Variants in N4BP2L1 observed in about 807,000 individuals in gnomAD.
The protein encoded by N4BP2L1 is NEDD4 binding protein 2 like 1, also known as NEDD4-binding protein 2-like 1.
In N4BP2L1, 12 loss-of-function variants were observed where a neutral mutation model predicts 21.2. The observed-to-expected ratio is 0.57, with a 90% CI of 0.36 to 0.92. N4BP2L1 has a LOEUF of 0.92. Among genes scored for constraint, N4BP2L1 ranks in the 40% least tolerant of loss-of-function variants. N4BP2L1 has a pLI of 0.01. For synonymous variants in N4BP2L1, 104 were observed against 112.8 expected, an observed-to-expected ratio of 0.92 and a Z score of 0.49; for missense variants, 259 against 310.6, an observed-to-expected ratio of 0.83 and a Z score of 1.25.
chr13:32,402,566 G>T lies in N4BP2L1; in HGVS notation c.*376C>A, dbSNP rs748547310. 11 of 992,062 alleles carry T rather than the reference G, an allele frequency of 1.1e-5. No individual in the cohort carries two copies. Among genetic ancestry groups the T allele is most frequent in the Non-Finnish European group, 1.3e-5 (11 of 834,782 alleles). The allele number at this position is 992,062 out of a possible 1,614,324, so 61.5% of individuals were successfully genotyped here. On this transcript the variant is annotated 3_prime_UTR_variant, in exon 5 of 5. Coordinates refer to ENST00000380130, the MANE Select transcript of N4BP2L1 (RefSeq NM_052818.3). Reference sequence around the variant, plus strand: ...CCTTCCCAACTTTACCGATGGAGATGAATTTCCTGAAAAAATAAATAGATC... The same window carrying T: ...CCTTCCCAACTTTACCGATGGAGATTAATTTCCTGAAAAAATAAATAGATC...
intron 4 of N4BP2L1, chr13:32,403,624 T>C (rs1291111062): frequency 2.0e-6 from 1 of 507,896 alleles, no homozygotes; most frequent in Non-Finnish European, 4.0e-6. Context: ...GGCAGAAGAA[T>C]CAACTGGGGA....
chr13:32,405,713 A>G (rs1036875405), intron 3 of N4BP2L1, among the ~76,000 whole-genome samples: 9 of 152,112 alleles, frequency 5.9e-5, no homozygotes, highest in Non-Finnish European at 8.8e-5. Context: ...CAATCTGGGC[A>G]TAAGTGGAAC....
At chr13:32,403,679 G>C (rs779853666) in intron 4 of N4BP2L1, 1 of 535,496 alleles carries the variant, frequency 1.9e-6, no homozygotes. Context: ...TACTGAATGG[G>C]GTCCATGAAC....
intron 1 of N4BP2L1, among the ~76,000 whole-genome samples, chr13:32,427,300 G>A (rs1440675027): frequency 6.6e-6 from 1 of 152,216 alleles, no homozygotes; most frequent in Non-Finnish European, 1.5e-5. Flanking sequence ...GACTTCGCCA[G>A]ATTTTCAAAG....
At chr13:32,409,479 AAT>A (rs1396808300) in intron 1 of N4BP2L1, among the ~76,000 whole-genome samples, 1 of 152,216 alleles carries the variant, frequency 6.6e-6, no homozygotes, top group African/African-American at 2.4e-5. Flanking sequence ...ATACCGAAAG[AAT>A]ATTAGTTAAT....
intron 3 of N4BP2L1, among the ~76,000 whole-genome samples, chr13:32,404,852 C>T (rs1403298787): frequency 6.6e-6 from 1 of 151,966 alleles, no homozygotes; most frequent in Non-Finnish European, 1.5e-5. Flanking sequence ...TCACATACTT[C>T]ACATCATCTT....
At chr13:32,427,305 T>C (rs1430618925) in intron 1 of N4BP2L1, among the ~76,000 whole-genome samples, 1 of 152,138 alleles carries the variant, frequency 6.6e-6, no homozygotes, top group Non-Finnish European at 1.5e-5. Flanking sequence ...CGCCAGATTT[T>C]CAAAGCGGGC....
chr13:32,416,247 G>A (rs1002547657), intron 1 of N4BP2L1, among the ~76,000 whole-genome samples: 12 of 152,094 alleles, frequency 7.9e-5, no homozygotes, highest in East Asian at 1.9e-4. Context: ...CATTTTTTAC[G>A]TAATGCTCAA....
At chr13:32,407,490 G>T in intron 2 of N4BP2L1, 152 bp from the exon 3 acceptor site, 1 of 1,576,512 alleles carries the variant, frequency 6.3e-7, no homozygotes, top group African/African-American at 1.4e-5. Context: ...TTCTTTCTCT[G>T]GAATCTAAGG....
At chr13:32,407,503 G>C (rs2073593396) in intron 2 of N4BP2L1, 142 bp downstream of exon 2, 1 of 1,583,246 alleles carries the variant, frequency 6.3e-7, no homozygotes. Context: ...ATCTAAGGAG[G>C]TTATGCTCTG....
At chr13:32,419,239 CTTTTTTTT>C (rs34280009) in intron 1 of N4BP2L1, among the ~76,000 whole-genome samples, 2 of 61,304 alleles carry the variant, frequency 3.3e-5, no homozygotes, top group African/African-American at 1.5e-4. Context: ...CAAGATCTGG[CTTTTTTTT>C]TTTTTTTTTT....
At chr13:32,416,833 T>A (rs941941296) in intron 1 of N4BP2L1, 6 of 151,010 alleles carry the variant, frequency 4.0e-5, no homozygotes, top group African/African-American at 1.5e-4. Context: ...CCCACCCCCC[T>A]CCAGACGGAG....
At chr13:32,406,942 G>A (rs972775736) in intron 3 of N4BP2L1, 1 of 373,236 alleles carries the variant, frequency 2.7e-6, no homozygotes, top group Admixed American at 4.0e-5. Context: ...CATTTCGGTG[G>A]GTGCTTCTCT....
At chr13:32,415,835 A>C (rs2074106541) in intron 1 of N4BP2L1, 1 of 151,998 alleles carries the variant, frequency 6.6e-6, no homozygotes, top group African/African-American at 2.4e-5. Context: ...AATTCAACCA[A>C]CCCCCACTTT....
Position 32,417,327 on chromosome 13 carries a change from AC to A in N4BP2L1, c.180-9556del, listed in dbSNP as rs1410711330. The stretch of plus-strand genomic sequence containing the variant: ...AGGTAATTGAATCATGGCAATGGTT[AC>A]CCTCATGCTGTTCTCATGATAGTGG... On this transcript the variant is annotated intron_variant, in intron 1 of 4. Transcript: ENST00000380130. Among the ~76,000 whole-genome samples the A allele has an allele frequency of 5.3e-5, 8 of 152,210 alleles. No individual in the cohort carries two copies. In the East Asian group the frequency reaches 1.5e-3, roughly 29 times the overall value.
At chr13:32,421,788 TTTTC>T (rs1381598096) in intron 1 of N4BP2L1, among the ~76,000 whole-genome samples, 1 of 152,120 alleles carries the variant, frequency 6.6e-6, no homozygotes, top group Non-Finnish European at 1.5e-5. Flanking sequence ...GCAGACTAAT[TTTTC>T]TTTATTATAA....
chr13:32,410,991 C>T (rs2073826768), intron 1 of N4BP2L1, among the ~76,000 whole-genome samples: 1 of 152,114 alleles, frequency 6.6e-6, no homozygotes, highest in Admixed American at 6.5e-5. Context: ...CTTATCTGCT[C>T]TTGTTTTCCT....
At chr13:32,418,491 A>G (rs2074271867) in intron 1 of N4BP2L1, among the ~76,000 whole-genome samples, 1 of 152,138 alleles carries the variant, frequency 6.6e-6, no homozygotes, top group East Asian at 1.9e-4. Context: ...TGCAGTGCAG[A>G]TGGGAAATGT....
At chr13:32,425,548 G>A (rs2074717285) in intron 1 of N4BP2L1, 1 of 149,808 alleles carries the variant, frequency 6.7e-6, no homozygotes, top group Non-Finnish European at 1.5e-5. Context: ...AGCACTTTAA[G>A]TTTAAAAAGT....
Sources: gnomAD v4.1 joint callset for allele counts (sites outside exome capture counted in the v4.1 genomes callset) on GRCh38, gnomAD v4.1.1 for gene constraint, MANE v1.5 for transcripts, NCBI Gene and HGNC (gene_info 2026-07-23, HGNC 2026-07-21) for gene names.